TAF3: variants seen among roughly 807,000 people sequenced by gnomAD.
The protein encoded by TAF3 is transcription initiation factor TFIID subunit 3.
In TAF3, 7 loss-of-function variants were observed where a neutral mutation model predicts 80.6. The ratio of observed to expected loss-of-function variants is 0.09; its 90% CI spans 0.05 to 0.16. The LOEUF (loss-of-function observed/expected upper bound fraction) is 0.16. TAF3 is among the 10% of genes least tolerant of loss of function. The pLI is 1.00. For synonymous variants in TAF3, 444 were observed against 446.1 expected (o/e 1.00, Z 0.06); for missense variants, 921 against 1,140.2 (o/e 0.81, Z 2.77).
intron 5 of TAF3, among the ~76,000 whole-genome samples, chr10:8,013,032 C>T (rs1832069382): frequency 1.3e-5 from 2 of 152,086 alleles, no homozygotes; most frequent in South Asian, 4.1e-4. Flanking sequence ...TTTAGAACTG[C>T]TAAGTTAAAT....
At chr10:7,940,489 C>T (rs1227301150) in intron 2 of TAF3, among the ~76,000 whole-genome samples, 1 of 152,196 alleles carries the variant, frequency 6.6e-6, no homozygotes, top group African/African-American at 2.4e-5. Context: ...TCCTGGATAA[C>T]TCCGATAAAC....
At chr10:7,888,804 G>C (rs1031912550) in intron 2 of TAF3, among the ~76,000 whole-genome samples, 11 of 152,348 alleles carry the variant, frequency 7.2e-5, no homozygotes, top group Non-Finnish European at 8.8e-5. Context: ...GTGCTTTTAA[G>C]ATGACTGTCT....
At chr10:7,994,311 G>A (rs559311289) in intron 4 of TAF3, among the ~76,000 whole-genome samples, 1 of 152,008 alleles carries the variant, frequency 6.6e-6, no homozygotes, top group African/African-American at 2.4e-5. Flanking sequence ...TTTCTCCAAG[G>A]AACATTGGTT....
chr10:7,910,646 G>T (rs953902571), intron 2 of TAF3, among the ~76,000 whole-genome samples: 1 of 152,144 alleles, frequency 6.6e-6, no homozygotes, highest in Non-Finnish European at 1.5e-5. Context: ...CTCCCAAAGT[G>T]CTGGGATTAC....
chr10:7,931,637 G>T lies in TAF3; in HGVS notation c.410-32283G>T, dbSNP rs1418651204. Among the ~76,000 whole-genome samples the T allele has an allele frequency of 5.9e-5, 9 of 152,050 alleles. No homozygotes were observed. In the South Asian group the frequency reaches 1.0e-3, roughly 18 times the overall value. ...AATTATACCTTGAAGAGTCTTAAAT[G>T]GATTTCTTAGATAAAAAGCCCATGT... On this transcript the variant is annotated intron_variant, in intron 2 of 6. Coordinates refer to ENST00000344293, the MANE Select transcript of TAF3 (RefSeq NM_031923.4).
chr10:7,859,863 G>A (rs1358817761), intron 2 of TAF3, among the ~76,000 whole-genome samples: 1 of 152,218 alleles, frequency 6.6e-6, no homozygotes, highest in Non-Finnish European at 1.5e-5. Context: ...CCGTTTCCCA[G>A]ATAACTTATT....
chr10:7,863,078 T>G (rs1444438271), intron 2 of TAF3, among the ~76,000 whole-genome samples: 1 of 152,214 alleles, frequency 6.6e-6, no homozygotes, highest in African/African-American at 2.4e-5. Flanking sequence ...ATCTCTGACC[T>G]AGGAGTCTGA....
intron 4 of TAF3, 137 bp from the exon 5 acceptor site, chr10:8,008,941 C>T: frequency 7.9e-7 from 1 of 1,272,466 alleles, no homozygotes; most frequent in South Asian, 1.2e-5. Context: ...GCCTGGAACT[C>T]AGTTCTTGAG....
chr10:7,898,414 C>T (rs1837526594), intron 2 of TAF3, among the ~76,000 whole-genome samples: 1 of 151,994 alleles, frequency 6.6e-6, no homozygotes, highest in Non-Finnish European at 1.5e-5. Flanking sequence ...GGCATGATGG[C>T]GGGTGCCTGT....
chr10:7,826,587 C>T (rs954234716), intron 2 of TAF3, among the ~76,000 whole-genome samples: 1 of 152,102 alleles, frequency 6.6e-6, no homozygotes, highest in Middle Eastern at 3.2e-3. Context: ...AAATTATAAA[C>T]ATTTTAAAAG....
intron 2 of TAF3, among the ~76,000 whole-genome samples, chr10:7,871,529 C>A (rs111962804): frequency 6.9e-6 from 1 of 144,502 alleles, no homozygotes; most frequent in Non-Finnish European, 1.5e-5. Flanking sequence ...TTGCAATCTC[C>A]GCCTCCCAGG....
At chr10:7,921,201 T>C (rs1837759238) in intron 2 of TAF3, among the ~76,000 whole-genome samples, 1 of 152,186 alleles carries the variant, frequency 6.6e-6, no homozygotes, top group Admixed American at 6.5e-5. Flanking sequence ...ATTAATAAAA[T>C]ACATAATTAG....
At chr10:7,957,660 T>C (rs1295345059) in intron 2 of TAF3, among the ~76,000 whole-genome samples, 1 of 152,172 alleles carries the variant, frequency 6.6e-6, no homozygotes, top group Non-Finnish European at 1.5e-5. Context: ...TTCTCACATA[T>C]GTACAGAAGA....
At position 8,014,943 on chromosome 10, in the gene TAF3, C is replaced by T. The variant is rs1032387876; in HGVS notation, c.*192C>T. On this transcript the variant is annotated 3_prime_UTR_variant, in exon 7 of 7. Transcript: ENST00000344293. ...CCCGAGCCGCCTTGGCCTGTGGCTCCGTGGCAGTGCGACAGAAGGAAACTC... is the reference window on the plus strand; with the variant it reads ...CCCGAGCCGCCTTGGCCTGTGGCTCTGTGGCAGTGCGACAGAAGGAAACTC... 3.2e-5 allele frequency: 15 copies of T among 465,504 alleles called. No individual in the cohort carries two copies. Among genetic ancestry groups the T allele is most frequent in the South Asian group, 5.5e-5 (2 of 36,542 alleles). The allele number at this position is 465,504 out of a possible 1,614,324, so 28.8% of individuals were successfully genotyped here. A position where few individuals can be genotyped will look rare whatever the true frequency, so the allele number is the denominator to read the frequency against.
At chr10:7,984,939 C>T (rs1831762003) in intron 4 of TAF3, among the ~76,000 whole-genome samples, 1 of 152,158 alleles carries the variant, frequency 6.6e-6, no homozygotes, top group Non-Finnish European at 1.5e-5. Context: ...AACACTTAGG[C>T]ACTCTTTATT....
rs965023614 is a variant in TAF3, at chr10:7,818,550, C to T, written c.-160C>T. The T allele has an allele frequency of 2.0e-5, 14 of 688,034 alleles. No homozygotes were observed. Among genetic ancestry groups the T allele is most frequent in the Middle Eastern group, 8.5e-4 (2 of 2,344 alleles). 42.6% of individuals were successfully genotyped at this position (688,034 alleles called of 1,614,324 possible). ...CAAAATGGCGGCTCTCAGGCTGGCG[C>T]GCTCCGTGCTGCTGGGGCTTTGAGG... On this transcript the variant is annotated 5_prime_UTR_variant, in exon 1 of 7. Coordinates refer to ENST00000344293, the MANE Select transcript of TAF3 (RefSeq NM_031923.4).
intron 3 of TAF3, among the ~76,000 whole-genome samples, chr10:7,973,270 G>A (rs900127959): frequency 6.6e-6 from 1 of 152,174 alleles, no homozygotes; most frequent in Non-Finnish European, 1.5e-5. Context: ...TAATAGTAGA[G>A]CAGAATTTTT....
At chr10:7,847,185 C>T (rs1564346573) in intron 2 of TAF3, among the ~76,000 whole-genome samples, 1 of 152,170 alleles carries the variant, frequency 6.6e-6, no homozygotes, top group Non-Finnish European at 1.5e-5. Context: ...CTTCAGATTA[C>T]AACATCCTAG....
chr10:7,870,497 T>C (rs554690844), intron 2 of TAF3, among the ~76,000 whole-genome samples: 1 of 152,324 alleles, frequency 6.6e-6, no homozygotes, highest in South Asian at 2.1e-4. Flanking sequence ...TGGTGGTTCA[T>C]TATAAAATAC....
Sources: allele counts gnomAD v4.1 joint callset (sites outside exome capture counted in the v4.1 genomes callset), GRCh38; gene constraint gnomAD v4.1.1; transcripts MANE v1.5; gene names NCBI Gene and HGNC (gene_info 2026-07-23, HGNC 2026-07-21).